PPARA: variants seen among roughly 807,000 people sequenced by gnomAD.
The protein encoded by PPARA is peroxisome proliferator-activated receptor alpha.
In PPARA, 22 loss-of-function variants were observed where a neutral mutation model predicts 42.2. That is an observed-to-expected ratio of 0.52 (90% CI 0.37 to 0.74). The LOEUF (loss-of-function observed/expected upper bound fraction) is 0.74. Among genes scored for constraint, PPARA ranks in the 30% least tolerant of loss-of-function variants. The pLI is 0.00. For synonymous variants in PPARA, 242 were observed against 239.3 expected (o/e 1.01, Z -0.10); for missense variants, 465 against 608.2 (o/e 0.76, Z 2.48).
At chr22:46,154,372 C>T (rs1043324787) in intron 2 of PPARA, among the ~76,000 whole-genome samples, 2 of 152,142 alleles carry the variant, frequency 1.3e-5, no homozygotes, top group African/African-American at 4.8e-5. Flanking sequence ...GGTTTCAGCA[C>T]TTTGTGAGGC....
At position 46,196,423 on chromosome 22, in the gene PPARA, A is replaced by G. The variant is rs1171117168; in HGVS notation, c.-42-1919A>G. On this transcript the variant is annotated intron_variant, in intron 3 of 8. Transcript: ENST00000407236. This position sits in a 1 kb window ranked among gnomAD's most constrained non-coding sequence, Gnocchi z 5.6. ...GGATGTCACACCCAGCACACATGCCACCGGCTTGGCCCTGCGCCCCGCAGC... is the reference window on the plus strand; with the variant it reads ...GGATGTCACACCCAGCACACATGCCGCCGGCTTGGCCCTGCGCCCCGCAGC... 1.3e-5 allele frequency among the ~76,000 whole-genome samples: 2 copies of G among 152,202 alleles called. No individual in the cohort carries two copies. Among genetic ancestry groups the G allele is most frequent in the African/African-American group, 2.4e-5 (1 of 41,456 alleles).
In PPARA at chr22:46,173,764, A is replaced by G. The variant is rs1928452173; in HGVS notation, c.-126-2989A>G. Among the ~76,000 whole-genome samples the G allele has an allele frequency of 6.6e-6, 1 of 152,256 alleles. No homozygotes were observed. The highest frequency in any genetic ancestry group is 2.4e-5 in the African/African-American group (1 of 41,472). On this transcript the variant is annotated intron_variant, in intron 2 of 8. Coordinates refer to ENST00000407236, the MANE Select transcript of PPARA (RefSeq NM_005036.6). The surrounding 1 kb of genome is among the most constrained non-coding windows in gnomAD (Gnocchi z 4.3). ...ATTGAACTGTATCTGTTAAATTAAC[A>G]GAAGCGAAGTGTTCTGTGGTGTGTA...
Position 46,232,228 on chromosome 22 carries a change from T to G in PPARA, c.1148T>G (p.Ile383Ser). The change falls in exon 8 of 9, where the codon ATT becomes AGT. Residue 383 changes from isoleucine (I) to serine (S), a missense_variant. By Grantham distance (142) the Ile-to-Ser change is moderately radical. Transcript: ENST00000407236. This position sits in a 1 kb window ranked among gnomAD's most constrained non-coding sequence, Gnocchi z 5.3. ...SDISLFVAAI[I>S]CCGDRPGLLN... is the part of the protein sequence containing the mutation. ...ATCTCCCTTTTTGTGGCTGCTATCATTTGCTGTGGAGGTGAGTGGTTGATT... is the reference window on the plus strand; with the variant it reads ...ATCTCCCTTTTTGTGGCTGCTATCAGTTGCTGTGGAGGTGAGTGGTTGATT... 1 of 1,614,034 alleles carries G rather than the reference T, an allele frequency of 6.2e-7. No individual in the cohort carries two copies. Among genetic ancestry groups the G allele is most frequent in the Non-Finnish European group, 8.5e-7 (1 of 1,180,008 alleles).
Position 46,219,364 on chromosome 22 carries a change from A to G in PPARA, c.509-448A>G, listed in dbSNP as rs1471781599. Among the ~76,000 whole-genome samples the G allele has an allele frequency of 2.6e-5, 4 of 152,202 alleles. No individual in the cohort carries two copies. The highest frequency in any genetic ancestry group is 7.2e-5 in the African/African-American group (3 of 41,456). ...CTCACCACGTTATGAATTTCCTTCT[A>G]GCCAATCATTTAATAGTTTCAGAAC... On this transcript the variant is annotated intron_variant, in intron 6 of 8. Coordinates refer to ENST00000407236, the MANE Select transcript of PPARA (RefSeq NM_005036.6). The surrounding 1 kb of genome is among the most constrained non-coding windows in gnomAD (Gnocchi z 4.8).
At chr22:46,159,501 C>G (rs1201254142) in intron 2 of PPARA, among the ~76,000 whole-genome samples, 1 of 152,172 alleles carries the variant, frequency 6.6e-6, no homozygotes, top group African/African-American at 2.4e-5. Context: ...CACGGCTTCC[C>G]TGTGATTCAC....
chr22:46,219,900 A>C lies in PPARA; in HGVS notation c.597A>C (p.Glu199Asp). The C allele has an allele frequency of 6.2e-7, 1 of 1,614,224 alleles. No individual in the cohort carries two copies. ...LTCEHDIEDS[E>D]TADLKSLAKR... ...GTGAACATGACATAGAAGATTCTGA[A>C]ACTGCAGATCTCAAATCTCTGGCCA... is the stretch of plus-strand genomic sequence containing the variant. Residue 199 changes from glutamate to aspartate, a missense_variant, in exon 7 of 9, where the codon GAA (glutamate) becomes GAC (aspartate). Around this residue, in one of 2 missense-constraint regions of PPARA, gnomAD observed 313 missense variants for 469.1 expected, o/e 0.67. Transcript: ENST00000407236. The surrounding 1 kb of genome is among the most constrained non-coding windows in gnomAD (Gnocchi z 4.8).
rs893644261 is a variant in PPARA, at chr22:46,157,357, C to T, written c.-127+5387C>T. The stretch of plus-strand genomic sequence containing the variant: ...ACAGGAGTGCAGACAGCGGCACCTA[C>T]GGATGATGGCCCGCTCCATCCCACC... On this transcript the variant is annotated intron_variant, in intron 2 of 8. Coordinates refer to ENST00000407236, the MANE Select transcript of PPARA (RefSeq NM_005036.6). Among the ~76,000 whole-genome samples, 3 of 152,286 alleles carry T rather than the reference C, an allele frequency of 2.0e-5. No individual in the cohort carries two copies. In the South Asian group the frequency reaches 6.2e-4, roughly 32 times the overall value.
In PPARA at chr22:46,170,828, A is replaced by G. The variant is rs1204088296; in HGVS notation, c.-126-5925A>G. On this transcript the variant is annotated intron_variant, in intron 2 of 8. Coordinates refer to ENST00000407236, the MANE Select transcript of PPARA (RefSeq NM_005036.6). ...CATCTGTACTGCCCCCCAAATGTGT[A>G]GAATGGGATGCATTCCTGGCAGAAA... Among the ~76,000 whole-genome samples the G allele has an allele frequency of 3.3e-5, 5 of 151,674 alleles. No homozygotes were observed. In the East Asian group the frequency reaches 7.8e-4, roughly 24 times the overall value.
chr22:46,175,950 G>C (rs530743949), intron 2 of PPARA: 2 of 152,032 alleles, frequency 1.3e-5, no homozygotes, highest in East Asian at 3.9e-4. Flanking sequence ...GTGAACATTT[G>C]TGTACAGGTT....
chr22:46,155,873 G>A (rs529679355), intron 2 of PPARA: 1 of 152,298 alleles, frequency 6.6e-6, no homozygotes, highest in Admixed American at 6.5e-5. Context: ...TATTTCTGCC[G>A]CTTGCATGCA....
At position 46,243,437 on chromosome 22, in the gene PPARA, G is replaced by A. The variant is rs995687517; in HGVS notation, c.*8057G>A. On this transcript the variant is annotated 3_prime_UTR_variant, in exon 9 of 9. Transcript: ENST00000407236. This position sits in a 1 kb window ranked among gnomAD's most constrained non-coding sequence, Gnocchi z 5.0. Reference sequence around the variant, plus strand: ...TCCAACTTCATACCTCTCTCCTGGTGGGGGGAGCGGGCATCCAGGACCTCC... The same window carrying A: ...TCCAACTTCATACCTCTCTCCTGGTAGGGGGAGCGGGCATCCAGGACCTCC... 4.6e-5 allele frequency: 7 copies of A among 152,186 alleles called. No homozygotes were observed. The highest frequency in any genetic ancestry group is 7.2e-5 in the African/African-American group (3 of 41,526). 9.4% of individuals were successfully genotyped at this position (152,186 alleles called of 1,614,324 possible). A position where few individuals can be genotyped will look rare whatever the true frequency, so the allele number is the denominator to read the frequency against.
intron 4 of PPARA, among the ~76,000 whole-genome samples, chr22:46,207,677 ATTTTTTTT>A (rs764662561): frequency 1.2e-4 from 6 of 50,724 alleles, no homozygotes; most frequent in Non-Finnish European, 1.6e-4. Context: ...TATTATTATT[ATTTTTTTT>A]TTTTTTTTTT....
At chr22:46,172,116 AC>A (rs1454156115) in intron 2 of PPARA, among the ~76,000 whole-genome samples, 2 of 151,990 alleles carry the variant, frequency 1.3e-5, no homozygotes, top group East Asian at 3.9e-4. Context: ...GAATCTGGGT[AC>A]TTGGAAGCCA....
chr22:46,175,936 T>C (rs1289128046), intron 2 of PPARA: 2 of 152,154 alleles, frequency 1.3e-5, no homozygotes, highest in Non-Finnish European at 2.9e-5. Context: ...TGAATAAAGC[T>C]GCTGTGAACA....
At position 46,198,399 on chromosome 22, in the gene PPARA, A is replaced by G. The variant is rs1932577060; in HGVS notation, c.16A>G (p.Ser6Gly). Residue 6 changes from serine to glycine, a missense_variant, in exon 4 of 9, where the codon AGC (serine) becomes GGC (glycine). Ser to Gly is a moderately conservative substitution (Grantham distance 56). Transcript: ENST00000407236. Reference protein sequence around the residue: MVDTESPLCPLSPLEA... With the variant: MVDTEGPLCPLSPLEA... ...TCTGGTCGCGATGGTGGACACGGAA[A>G]GCCCACTCTGCCCCCTCTCCCCACT... 1 of 1,613,876 alleles carries G rather than the reference A, an allele frequency of 6.2e-7. No individual in the cohort carries two copies. Among genetic ancestry groups the G allele is most frequent in the Non-Finnish European group, 8.5e-7 (1 of 1,179,906 alleles).
intron 2 of PPARA, among the ~76,000 whole-genome samples, chr22:46,166,685 C>T (rs367975464): frequency 9.5e-4 from 144 of 151,300 alleles, no homozygotes; most frequent in African/African-American, 2.8e-3. Flanking sequence ...ATAAAATGCG[C>T]GAGGCCTGTA....
intron 2 of PPARA, among the ~76,000 whole-genome samples, chr22:46,158,385 A>T (rs1433982390): frequency 1.3e-5 from 2 of 152,066 alleles, no homozygotes; most frequent in African/African-American, 4.8e-5. Flanking sequence ...TCTCAGAAAA[A>T]AAAAGAGTGA....
Position 46,200,919 on chromosome 22 carries a change from A to T in PPARA, c.208+2328A>T, listed in dbSNP as rs1423344730. On this transcript the variant is annotated intron_variant, in intron 4 of 8. Coordinates refer to ENST00000407236, the MANE Select transcript of PPARA (RefSeq NM_005036.6). The surrounding 1 kb of genome is among the most constrained non-coding windows in gnomAD (Gnocchi z 4.8). ...AGCTTGGGCGACAGGGTGAGACTCC[A>T]TCTCAAAAAAAAGTTGGGGCGTGGT... Among the ~76,000 whole-genome samples, 1 of 151,010 alleles carries T rather than the reference A, an allele frequency of 6.6e-6. No homozygotes were observed. The highest frequency in any genetic ancestry group is 1.5e-5 in the Non-Finnish European group (1 of 67,818).
intron 3 of PPARA, 34 bp from the exon 4 acceptor site, chr22:46,198,308 G>A (rs1009343981): frequency 2.7e-5 from 31 of 1,134,254 alleles, no homozygotes; most frequent in African/African-American, 7.7e-5. Context: ...GTTGTTATAC[G>A]TCAGTCTTAC....
Sources: allele counts gnomAD v4.1 joint callset (sites outside exome capture counted in the v4.1 genomes callset), GRCh38; gene constraint gnomAD v4.1.1; regional missense constraint gnomAD v4.1.1; non-coding constraint Gnocchi (gnomAD v3.1); transcripts MANE v1.5; gene names NCBI Gene and HGNC (gene_info 2026-07-23, HGNC 2026-07-21).